The following CALD1 variants were observed in gnomAD, a reference collection of about 807,000 sequenced individuals.
The protein encoded by CALD1 is caldesmon 1, also known as caldesmon.
Under a neutral mutation model 99.9 loss-of-function variants are expected in CALD1, and 33 were observed. That is an observed-to-expected ratio of 0.33 (90% CI 0.25 to 0.44). The LOEUF (loss-of-function observed/expected upper bound fraction) is 0.44. Among genes scored for constraint, CALD1 ranks in the 20% least tolerant of loss-of-function variants. The pLI is 1.00. For missense variants in CALD1, 861 were observed against 962.1 expected (o/e 0.89, Z 1.39); for synonymous variants, 310 against 325.0 (o/e 0.95, Z 0.50).
At chr7:134,722,262 CTCTTT>C in the CALD1 span, among the ~76,000 whole-genome samples, 2 of 152,168 alleles carry the variant, frequency 1.3e-5, no homozygotes, top group East Asian at 3.8e-4. Context: ...AGTTTCTCTT[CTCTTT>C]GCCACTTTTT....
intron 12 of CALD1, 192 bp downstream of exon 12, chr7:134,960,303 G>A: frequency 4.3e-6 from 3 of 704,552 alleles, no homozygotes; most frequent in South Asian, 1.9e-5. Context: ...CTAAGCCCGG[G>A]CCATCTTACT....
chr7:134,786,691 A>G (rs1251496399), intron 1 of CALD1, among the ~76,000 whole-genome samples: 1 of 152,208 alleles, frequency 6.6e-6, no homozygotes. Context: ...GACTTGACCA[A>G]AGTCATCCAG....
chr7:134,717,951 C>T, the CALD1 span, among the ~76,000 whole-genome samples: 1 of 152,232 alleles, frequency 6.6e-6, no homozygotes, highest in Admixed American at 6.5e-5. Flanking sequence ...TAGATGGTTT[C>T]TAGATAAAAG....
At chr7:134,881,825 A>G (rs1411755281) in intron 3 of CALD1, among the ~76,000 whole-genome samples, 1 of 152,164 alleles carries the variant, frequency 6.6e-6, no homozygotes, top group Non-Finnish European at 1.5e-5. Context: ...TCAATTGCAG[A>G]TTAGAAGAAC....
chr7:134,938,419 TAG>T (rs1038290562), intron 6 of CALD1, among the ~76,000 whole-genome samples: 3 of 152,174 alleles, frequency 2.0e-5, no homozygotes, highest in Non-Finnish European at 2.9e-5. Flanking sequence ...CCCAAATATC[TAG>T]AGTTTCAAAA....
chr7:134,799,773 A>G (rs1279546337), intron 1 of CALD1, among the ~76,000 whole-genome samples: 2 of 152,242 alleles, frequency 1.3e-5, no homozygotes, highest in Non-Finnish European at 2.9e-5. Context: ...GACTTGGTAG[A>G]AAATACCATG....
At chr7:134,723,534 CTTTTTTTTTTTT>C in the CALD1 span, among the ~76,000 whole-genome samples, 4 of 87,694 alleles carry the variant, frequency 4.6e-5, no homozygotes, top group African/African-American at 1.9e-4. Context: ...GAAAAGGTAA[CTTTTTTTTTTTT>C]TTTTTTTTTT....
At chr7:134,832,923 A>G (rs529371032) in intron 1 of CALD1, among the ~76,000 whole-genome samples, 1 of 152,202 alleles carries the variant, frequency 6.6e-6, no homozygotes, top group East Asian at 1.9e-4. Context: ...TTTAAAAGTA[A>G]TTTGTCACAA....
the CALD1 span, among the ~76,000 whole-genome samples, chr7:134,725,124 C>A: frequency 6.6e-6 from 1 of 152,208 alleles, no homozygotes; most frequent in Admixed American, 6.5e-5. Flanking sequence ...GAACTGTAAT[C>A]TCTTTCACTC....
At chr7:134,936,837 T>C (rs1379463444) in intron 6 of CALD1, among the ~76,000 whole-genome samples, 1 of 152,218 alleles carries the variant, frequency 6.6e-6, no homozygotes, top group Non-Finnish European at 1.5e-5. Flanking sequence ...AAATTGAATG[T>C]GAGCACAGGC....
At chr7:134,822,266 T>G (rs1798812984) in intron 1 of CALD1, among the ~76,000 whole-genome samples, 1 of 150,676 alleles carries the variant, frequency 6.6e-6, no homozygotes, top group South Asian at 2.1e-4. Context: ...GAGGGACTGC[T>G]GGCTATCTTT....
At chr7:134,948,070 C>T in intron 8 of CALD1, 1 of 258,108 alleles carries the variant, frequency 3.9e-6, no homozygotes, top group Non-Finnish European at 7.4e-6. Flanking sequence ...GCCTGACATG[C>T]AGGAGGAGCC....
At chr7:134,767,195 C>CTCTGTG (rs1796833983) in intron 1 of CALD1, among the ~76,000 whole-genome samples, 1 of 148,886 alleles carries the variant, frequency 6.7e-6, no homozygotes, top group Admixed American at 6.7e-5. Flanking sequence ...CTCTCTGTCT[C>CTCTGTG]TGTGTGTGTG....
intron 1 of CALD1, among the ~76,000 whole-genome samples, chr7:134,770,940 G>C (rs528126427): frequency 6.6e-6 from 1 of 152,312 alleles, no homozygotes; most frequent in Admixed American, 6.5e-5. Context: ...TCCATTAAAA[G>C]AGGAAGTGAA....
In CALD1 at chr7:134,789,382, C is replaced by T. The variant is rs77117978; in HGVS notation, c.-130+9633C>T. ...ATGCTGCCTCTTGCTAGTTACTCCA[C>T]GTCACTGAGACTCCTCTTTTGTATG... On this transcript the variant is annotated intron_variant, in intron 1 of 14. Transcript: ENST00000361675. Among the ~76,000 whole-genome samples the T allele has an allele frequency of 9.9e-5, 15 of 152,264 alleles. No individual in the cohort carries two copies. The East Asian group carries it at 2.1e-3, about 22-fold the overall frequency.
chr7:134,887,079 G>A lies in CALD1; in HGVS notation c.71+19275G>A, dbSNP rs1393612727. Among the ~76,000 whole-genome samples the A allele has an allele frequency of 2.0e-5, 3 of 152,194 alleles. No homozygotes were observed. The East Asian group carries it at 5.8e-4, about 29-fold the overall frequency. ...CCCTATTACAGGCCTAGAGACAGAT[G>A]AGGCAAAGAATAATTAAGAAACGTG... is the stretch of plus-strand genomic sequence containing the variant. On this transcript the variant is annotated intron_variant, in intron 3 of 14. Coordinates refer to ENST00000361675, the MANE Select transcript of CALD1 (RefSeq NM_033138.4).
chr7:134,731,454 A>C, the CALD1 span, among the ~76,000 whole-genome samples: 10 of 152,170 alleles, frequency 6.6e-5, no homozygotes, highest in Non-Finnish European at 1.5e-4. Flanking sequence ...TGAATGCTCC[A>C]TAATAATATT....
chr7:134,726,515 A>G, the CALD1 span, among the ~76,000 whole-genome samples: 2 of 134,720 alleles, frequency 1.5e-5, no homozygotes, highest in African/African-American at 6.5e-5. Flanking sequence ...ATAATATACA[A>G]TATATTATAT....
chr7:134,839,298 A>G (rs2167753), intron 1 of CALD1, among the ~76,000 whole-genome samples: 33,329 of 152,084 alleles, frequency 0.22, 4,486 homozygotes, highest in African/African-American at 0.38. Flanking sequence ...CCCACAATTT[A>G]TCCATTTTGC....
Sources: allele counts gnomAD v4.1 joint callset (sites outside exome capture counted in the v4.1 genomes callset), GRCh38; gene constraint gnomAD v4.1.1; transcripts MANE v1.5; gene names NCBI Gene and HGNC (gene_info 2026-07-23, HGNC 2026-07-21).